CDK19: variants seen among roughly 807,000 people sequenced by gnomAD.
The protein encoded by CDK19 is cyclin dependent kinase 19, also known as cyclin-dependent kinase 19.
CDK19 carries 20 observed loss-of-function variants against 68.3 expected under a neutral mutation model. The ratio of observed to expected loss-of-function variants is 0.29; its 90% CI spans 0.21 to 0.43. The LOEUF (loss-of-function observed/expected upper bound fraction) is 0.43. Ranked by LOEUF, CDK19 falls within the 20% of genes least tolerant of loss-of-function variation. The probability of loss-of-function intolerance (pLI) is 1.00; values close to 1 mark genes in which losing one functional copy is unlikely to be tolerated. For missense variants in CDK19, 339 were observed against 623.5 expected, an observed-to-expected ratio of 0.54 and a Z score of 4.86; for synonymous variants, 221 against 222.8, an observed-to-expected ratio of 0.99 and a Z score of 0.07.
At position 110,613,670 on chromosome 6, in the gene CDK19, C is replaced by T. The variant is rs1778139145; in HGVS notation, c.*865G>A. On this transcript the variant is annotated 3_prime_UTR_variant, in exon 13 of 13. Transcript: ENST00000368911. ...GATCAAAATTACTCCTTACAGAAAT[C>T]CTAGTGCAGTTGTTACTCTCTTCAG... 2.0e-5 allele frequency: 3 copies of T among 152,594 alleles called. No homozygotes were observed. Among genetic ancestry groups the T allele is most frequent in the Non-Finnish European group, 4.4e-5 (3 of 68,036 alleles). 9.5% of individuals were successfully genotyped at this position (152,594 alleles called of 1,614,324 possible).
At chr6:110,697,926 A>G (rs1053412202) in intron 2 of CDK19, among the ~76,000 whole-genome samples, 2 of 152,196 alleles carry the variant, frequency 1.3e-5, no homozygotes, top group Non-Finnish European at 2.9e-5. Flanking sequence ...AGGACACCCT[A>G]TTCAACAAAA....
At chr6:110,796,697 C>T (rs529603982) in intron 1 of CDK19, among the ~76,000 whole-genome samples, 60 of 151,762 alleles carry the variant, frequency 4.0e-4, no homozygotes, top group African/African-American at 1.3e-3. Context: ...TTGATCTTTG[C>T]CTCAGCTGTG....
chr6:110,806,511 C>T (rs1379072475), intron 1 of CDK19, among the ~76,000 whole-genome samples: 1 of 152,114 alleles, frequency 6.6e-6, no homozygotes, highest in Non-Finnish European at 1.5e-5. Context: ...CTTACAGACA[C>T]ATTAATAGGT....
At chr6:110,740,579 C>T (rs1228406005) in intron 2 of CDK19, among the ~76,000 whole-genome samples, 1 of 152,140 alleles carries the variant, frequency 6.6e-6, no homozygotes, top group Non-Finnish European at 1.5e-5. Flanking sequence ...TGTACTTCTT[C>T]CAAGTTTATT....
At chr6:110,720,303 T>G (rs1775764505) in intron 2 of CDK19, among the ~76,000 whole-genome samples, 1 of 152,186 alleles carries the variant, frequency 6.6e-6, no homozygotes, top group Non-Finnish European at 1.5e-5. Context: ...TAGACAAGAC[T>G]TCTTTCACGA....
rs553010025 is a variant in CDK19 at position 110,625,897 on chromosome 6, G to A, written c.860+879C>T. On this transcript the variant is annotated intron_variant, in intron 8 of 12. Coordinates refer to ENST00000368911, the MANE Select transcript of CDK19 (RefSeq NM_015076.5). ...GCCATCCTGTCCTGAAATTTTCCTG[G>A]TAAGTTGCCCATAGAGAAGCTCTTC... 1.4e-4 allele frequency among the ~76,000 whole-genome samples: 22 copies of A among 152,242 alleles called. No individual in the cohort carries two copies. The East Asian group carries it at 2.7e-3, about 19-fold the overall frequency.
intron 1 of CDK19, among the ~76,000 whole-genome samples, chr6:110,756,543 G>C (rs1377663896): frequency 6.7e-6 from 1 of 150,086 alleles, no homozygotes; most frequent in Admixed American, 6.6e-5. Flanking sequence ...GCCTGGGCAA[G>C]ACCCTGTCTT....
At position 110,719,986 on chromosome 6, in the gene CDK19, ACC is replaced by A. The variant is rs1186186225; in HGVS notation, c.204+26138_204+26139del. On this transcript the variant is annotated intron_variant, in intron 2 of 12. Transcript: ENST00000368911. Reference sequence around the variant, plus strand: ...CCTTGTGATCCGCCCCCCCCCCCCCACCCCCCCCCTGCTTCGGCCTCCCAAAA... The same window carrying A: ...CCTTGTGATCCGCCCCCCCCCCCCCACCCCCCCTGCTTCGGCCTCCCAAAA... Among the ~76,000 whole-genome samples, 8 of 41,862 alleles carry A rather than the reference ACC, an allele frequency of 1.9e-4. No individual in the cohort carries two copies. In the South Asian group the frequency reaches 2.5e-3, roughly 13 times the overall value. 27.5% of individuals were successfully genotyped at this position (41,862 alleles called of 152,430 possible).
At chr6:110,759,334 G>C (rs1322887856) in intron 1 of CDK19, among the ~76,000 whole-genome samples, 1 of 148,176 alleles carries the variant, frequency 6.7e-6, no homozygotes, top group Admixed American at 6.8e-5. Context: ...GAACCCAGGA[G>C]GTGGAGCGTG....
intron 4 of CDK19, among the ~76,000 whole-genome samples, chr6:110,651,498 C>T (rs1354419841): frequency 6.6e-6 from 1 of 152,060 alleles, no homozygotes; most frequent in Non-Finnish European, 1.5e-5. Context: ...TTTGGGAGGC[C>T]GAGAAGGGCA....
intron 2 of CDK19, 79 bp from the exon 3 acceptor site, chr6:110,670,620 C>A: frequency 1.2e-6 from 1 of 847,256 alleles, no homozygotes; most frequent in Non-Finnish European, 2.0e-6. Context: ...AACTTCAAAA[C>A]GAAATTTCTG....
At chr6:110,700,030 C>G (rs1476380402) in intron 2 of CDK19, among the ~76,000 whole-genome samples, 2 of 152,202 alleles carry the variant, frequency 1.3e-5, no homozygotes, top group African/African-American at 4.8e-5. Context: ...CACATTACCA[C>G]CTGAGCTCTA....
chr6:110,800,573 C>T (rs972767615), intron 1 of CDK19, among the ~76,000 whole-genome samples: 2 of 152,126 alleles, frequency 1.3e-5, no homozygotes, highest in African/African-American at 2.4e-5. Context: ...CAAACCAAAT[C>T]CAGCAGCACA....
chr6:110,714,581 A>G (rs992171591), intron 2 of CDK19, among the ~76,000 whole-genome samples: 2 of 151,964 alleles, frequency 1.3e-5, no homozygotes, highest in African/African-American at 4.8e-5. Context: ...CCCTTTTGTT[A>G]TTATTATTAC....
chr6:110,682,953 A>G (rs1339459792), intron 2 of CDK19, among the ~76,000 whole-genome samples: 3 of 152,112 alleles, frequency 2.0e-5, no homozygotes, highest in Admixed American at 2.0e-4. Context: ...AGGCAGGTGG[A>G]TCACCTGAGG....
At chr6:110,657,757 T>C (rs1562167198) in intron 4 of CDK19, among the ~76,000 whole-genome samples, 1 of 152,198 alleles carries the variant, frequency 6.6e-6, no homozygotes, top group Non-Finnish European at 1.5e-5. Context: ...TAAAACTTTA[T>C]GCTTAAGTCA....
chr6:110,700,093 T>C (rs1462687059), intron 2 of CDK19, among the ~76,000 whole-genome samples: 1 of 152,156 alleles, frequency 6.6e-6, no homozygotes, highest in Non-Finnish European at 1.5e-5. Context: ...ACGAACCCCA[T>C]TATGAACTGC....
intron 2 of CDK19, among the ~76,000 whole-genome samples, chr6:110,682,341 T>C (rs1192099514): frequency 1.3e-5 from 2 of 152,206 alleles, no homozygotes; most frequent in Non-Finnish European, 1.5e-5. Flanking sequence ...CCCAAAGAAC[T>C]GAAGGTAAAT....
chr6:110,755,701 A>T (rs933143581), intron 1 of CDK19, among the ~76,000 whole-genome samples: 1 of 152,206 alleles, frequency 6.6e-6, no homozygotes, highest in Non-Finnish European at 1.5e-5. Context: ...AAGCAGACAG[A>T]ATCAGCATAG....
Sources: gnomAD v4.1 joint callset for allele counts (sites outside exome capture counted in the v4.1 genomes callset) on GRCh38, gnomAD v4.1.1 for gene constraint, MANE v1.5 for transcripts, NCBI Gene and HGNC (gene_info 2026-07-23, HGNC 2026-07-21) for gene names.